The following ERN2 variants were observed in gnomAD, a reference collection of about 807,000 sequenced individuals.
The protein encoded by ERN2 is serine/threonine-protein kinase/endoribonuclease IRE2.
Under a neutral mutation model 107.9 loss-of-function variants are expected in ERN2, and 111 were observed. That is an observed-to-expected ratio of 1.03 (90% CI 0.88 to 1.20). ERN2 has a LOEUF of 1.20. Ranked by LOEUF, ERN2 falls within the 50% of genes most tolerant of loss-of-function variation. The probability of loss-of-function intolerance (pLI) is 0.00; values close to 1 mark genes in which losing one functional copy is unlikely to be tolerated. For missense variants in ERN2, 1,225 were observed against 1,197.9 expected (o/e 1.02, Z -0.33); for synonymous variants, 524 against 501.7 (o/e 1.04, Z -0.59).
Position 23,702,466 on chromosome 16 carries a change from C to T in ERN2, c.1005G>A (p.Glu335=). The change falls in exon 10 of 22, where the codon GAG becomes GAA. Residue 335 remains glutamate (E), a synonymous_variant. Coordinates refer to ENST00000256797, the MANE Select transcript of ERN2 (RefSeq NM_033266.4). ...CAGCAGTGCTGGGTGAGCCCTCTCG[C>T]TCTCCTGAGACTTGGAGTGTCACCT... ...TDEVTLQVSG[E]REGSPSTAVR... The T allele has an allele frequency of 6.2e-7, 1 of 1,613,576 alleles. No homozygotes were observed.
chr16:23,710,180 C>T lies in ERN2; in HGVS notation c.298G>A (p.Gly100Arg), dbSNP rs745598654. The T allele has an allele frequency of 4.3e-6, 7 of 1,612,302 alleles. No individual in the cohort carries two copies. The East Asian group carries it at 1.3e-4, about 31-fold the overall frequency. ...CACCATGGGATACAAACCATTAATC[C>T]CTGTTGTTTTTGGGTCCCCAAGATG... ...LYILGTQKQQ[G>R]LMKLPFTIPE... Residue 100 changes from glycine to arginine, a missense_variant, in exon 4 of 22, where the codon GGA becomes AGA. Coordinates refer to ENST00000256797, the MANE Select transcript of ERN2 (RefSeq NM_033266.4).
In ERN2 at chr16:23,706,388, G is replaced by T. The variant is rs112625116; in HGVS notation, c.531C>A (p.Arg177=). The T allele has an allele frequency of 3.2e-5, 50 of 1,574,594 alleles. 1 individual carries two copies. In the African/African-American group the frequency reaches 5.8e-4, roughly 18 times the overall value. Residue 177 remains arginine (R), a synonymous_variant, in exon 7 of 22, where the codon CGC becomes CGA. Transcript: ENST00000256797. ...AGTAGCGGCGGTAGGTGGTGTTCCA[G>T]CGCAGGGCTGGGGCTCTTGGGTCAT... The part of the protein sequence containing the change: ...TMHDPRAPAL[R]WNTTYRRYSA...
At position 23,691,039 on chromosome 16, in the gene ERN2, T is replaced by A. The variant is rs771806387; in HGVS notation, c.2573A>T (p.His858Leu). ...DLLRAVRNKK[H>L]HYRELPVEVR... Reference sequence around the variant, plus strand: ...CTCAACTGGGAGCTCCCTGTAGTGGTGCTTCTGTGGGTAGGTAGAGCAGAG... The same window carrying A: ...CTCAACTGGGAGCTCCCTGTAGTGGAGCTTCTGTGGGTAGGTAGAGCAGAG... The change falls in exon 22 of 22, where the codon CAC (histidine) becomes CTC (leucine). Residue 858 changes from histidine to leucine, a missense_variant. Coordinates refer to ENST00000256797, the MANE Select transcript of ERN2 (RefSeq NM_033266.4). The A allele has an allele frequency of 2.5e-6, 4 of 1,614,162 alleles. No individual in the cohort carries two copies. Among genetic ancestry groups the A allele is most frequent in the Non-Finnish European group, 3.4e-6 (4 of 1,180,016 alleles).
At chr16:23,691,929 C>A in intron 19 of ERN2, 34 bp downstream of exon 19, 1 of 1,602,642 alleles carries the variant, frequency 6.2e-7, no homozygotes. Context: ...AAACTTAGGA[C>A]TTTTGGGGGC....
chr16:23,705,825 G>A (rs982371740), intron 7 of ERN2, among the ~76,000 whole-genome samples: 4 of 152,106 alleles, frequency 2.6e-5, no homozygotes, highest in African/African-American at 9.7e-5. Context: ...GAGGATAGGG[G>A]ATCACTTCAG....
chr16:23,710,286 C>T, intron 3 of ERN2, 42 bp from the exon 4 acceptor site: 1 of 1,529,508 alleles, frequency 6.5e-7, no homozygotes, highest in Non-Finnish European at 9.1e-7. Context: ...GGGTTCTTGC[C>T]CCCTGGTTTC....
rs754291457 is a variant in ERN2, at chr16:23,694,688, G to A, written c.2100+40C>T. 4 of 1,527,052 alleles carry A rather than the reference G, an allele frequency of 2.6e-6. No individual in the cohort carries two copies. In the Admixed American group the frequency reaches 7.3e-5, roughly 28 times the overall value. The allele number at this position is 1,527,052 out of a possible 1,614,324, so 94.6% of individuals were successfully genotyped here. Reference sequence around the variant, plus strand: ...GACAGGGACGGATTCCTGCAGCCTGGGGCAGCTGTGTGCCTGGAGGACTTG... The same window carrying A: ...GACAGGGACGGATTCCTGCAGCCTGAGGCAGCTGTGTGCCTGGAGGACTTG... On this transcript the variant is annotated intron_variant, in intron 17 of 21. Coordinates refer to ENST00000256797, the MANE Select transcript of ERN2 (RefSeq NM_033266.4).
At chr16:23,698,246 C>T (rs1328224779) in intron 13 of ERN2, among the ~76,000 whole-genome samples, 3 of 152,148 alleles carry the variant, frequency 2.0e-5, no homozygotes, top group African/African-American at 4.8e-5. Context: ...GCATTTGGAC[C>T]CCTGAGCTGC....
chr16:23,702,433 G>C lies in ERN2; in HGVS notation c.1038C>G (p.Tyr346Ter), dbSNP rs976913820. ...TTGGGAGGGCCACACTGCCTGAGGG[G>C]TATCTAACAGCAGTGCTGGGTGAGC... is the stretch of plus-strand genomic sequence containing the variant. ...REGSPSTAVR[Y>*]PSGSVALPSQ... Residue 346 changes from tyrosine (Y) to a stop codon, truncating the protein, a stop_gained, in exon 10 of 22, where the codon TAC (tyrosine) becomes TAG (stop). Coordinates refer to ENST00000256797, the MANE Select transcript of ERN2 (RefSeq NM_033266.4). LOFTEE classifies it high-confidence loss of function. The C allele has an allele frequency of 6.2e-7, 1 of 1,613,518 alleles. No individual in the cohort carries two copies. Among genetic ancestry groups the C allele is most frequent in the African/African-American group, 1.3e-5 (1 of 74,936 alleles).
chr16:23,695,788 C>T (rs569735766), intron 14 of ERN2, 106 bp downstream of exon 14: 3 of 740,582 alleles, frequency 4.1e-6, no homozygotes, highest in Non-Finnish European at 7.1e-6. Context: ...GAGGGATCAA[C>T]CTGTACCCAC....
At position 23,690,375 on chromosome 16, in the gene ERN2, T is replaced by A; in HGVS notation, c.*456A>T. On this transcript the variant is annotated 3_prime_UTR_variant, in exon 22 of 22. Coordinates refer to ENST00000256797, the MANE Select transcript of ERN2 (RefSeq NM_033266.4). ...AAACAGATGTGAATATTCTTTTTCT[T>A]GTATTTCCTGAGGGGTGCCAGGGCC... 1 of 487,366 alleles carries A rather than the reference T, an allele frequency of 2.1e-6. No homozygotes were observed. The highest frequency in any genetic ancestry group is 3.7e-6 in the Non-Finnish European group (1 of 268,998). 30.2% of individuals were successfully genotyped at this position (487,366 alleles called of 1,614,324 possible). A position where few individuals can be genotyped will look rare whatever the true frequency, so the allele number is the denominator to read the frequency against.
chr16:23,700,661 G>A lies in ERN2; in HGVS notation c.1403C>T (p.Ala468Val), dbSNP rs1282105234. The A allele has an allele frequency of 6.2e-7, 1 of 1,614,030 alleles. No individual in the cohort carries two copies. Among genetic ancestry groups the A allele is most frequent in the South Asian group, 1.1e-5 (1 of 91,058 alleles). ...GGAGATGTGAGCAAAGTCTGCAGGT[G>A]CCAGGGGGGTCTCCTGCTGCTTCTC... ...VVEKQQETPL[A>V]PADFAHISQD... Residue 468 changes from alanine (A) to valine (V), a missense_variant, in exon 13 of 22, where the codon GCA becomes GTA. Ala to Val is a moderately conservative substitution (Grantham distance 64). Transcript: ENST00000256797.
intron 11 of ERN2, 26 bp downstream of exon 11, chr16:23,702,126 C>T: frequency 1.9e-6 from 3 of 1,602,930 alleles, no homozygotes; most frequent in Non-Finnish European, 2.6e-6. Flanking sequence ...CTCCCTACCC[C>T]CACTCTCTCC....
chr16:23,712,051 C>T, intron 1 of ERN2: 1 of 454,008 alleles, frequency 2.2e-6, no homozygotes, highest in Non-Finnish European at 4.4e-6. Flanking sequence ...AGCAGGAGGC[C>T]TAACATCCGG....
intron 10 of ERN2, 24 bp from the exon 11 acceptor site, chr16:23,702,297 C>T (rs770563720): frequency 1.2e-6 from 2 of 1,613,666 alleles, no homozygotes; most frequent in East Asian, 4.5e-5. Context: ...CAAAAGTCAT[C>T]AGGCTGAAGG....
rs771235841 is a variant in ERN2, at chr16:23,692,005, G to T, written c.2334C>A (p.His778Gln). ...PRPSAPQVLA[H>Q]PFFWSRAKQL... is the part of the protein sequence containing the mutation. ...GCTTGGCTCTGCTCCAAAAGAAGGG[G>T]TGGGCCAGCACCTGGGGGGCAGAGG... Residue 778 changes from histidine (H) to glutamine (Q), a missense_variant, in exon 19 of 22, where the codon CAC (histidine) becomes CAA (glutamine). His to Gln is a conservative substitution (Grantham distance 24, BLOSUM62 0). Coordinates refer to ENST00000256797, the MANE Select transcript of ERN2 (RefSeq NM_033266.4). The T allele has an allele frequency of 3.7e-6, 6 of 1,613,658 alleles. No individual in the cohort carries two copies. Among genetic ancestry groups the T allele is most frequent in the Middle Eastern group, 1.6e-4 (1 of 6,076 alleles).
chr16:23,691,395 C>T lies in ERN2; in HGVS notation c.2407G>A (p.Glu803Lys), dbSNP rs773577753. Residue 803 changes from glutamate (E) to lysine (K), a missense_variant, in exon 20 of 22, where the codon GAG (glutamate) becomes AAG (lysine). Physicochemically the swap from Glu to Lys is moderately conservative, Grantham distance 56 (BLOSUM62 1). Coordinates refer to ENST00000256797, the MANE Select transcript of ERN2 (RefSeq NM_033266.4). ...DVSDWLEKES[E>K]QEPLVRALEA... ...AGTGCCCTCACCAGGGGCTCCTGCTCGGACTCCTTCTCCAGCCAGTCACTG... is the reference window on the plus strand; with the variant it reads ...AGTGCCCTCACCAGGGGCTCCTGCTTGGACTCCTTCTCCAGCCAGTCACTG... The T allele has an allele frequency of 2.1e-5, 34 of 1,599,980 alleles. No homozygotes were observed. Among genetic ancestry groups the T allele is most frequent in the African/African-American group, 5.3e-5 (4 of 74,902 alleles).
Position 23,690,404 on chromosome 16 carries a change from G to C in ERN2, c.*427C>G. On this transcript the variant is annotated 3_prime_UTR_variant, in exon 22 of 22. Transcript: ENST00000256797. The stretch of plus-strand genomic sequence containing the variant: ...TTTCCTGAGGGGTGCCAGGGCCTGG[G>C]ATCCAGCGAACATCTCTGCTTCATC... 1 of 464,024 alleles carries C rather than the reference G, an allele frequency of 2.2e-6. No individual in the cohort carries two copies. The highest frequency in any genetic ancestry group is 3.9e-6 in the Non-Finnish European group (1 of 254,140). 28.7% of individuals were successfully genotyped at this position (464,024 alleles called of 1,614,324 possible). A position where few individuals can be genotyped will look rare whatever the true frequency, so the allele number is the denominator to read the frequency against.
Position 23,694,884 on chromosome 16 carries a change from A to T in ERN2, c.1944T>A (p.Pro648=). ...CCACTCTGCCCAGGCCCTGGCTGTCAGGCCCGGTGATGAGAATATTTCCTG... is the reference window on the plus strand; with the variant it reads ...CCACTCTGCCCAGGCCCTGGCTGTCTGGCCCGGTGATGAGAATATTTCCTG... ...LKPGNILITG[P]DSQGLGRVVL... is the part of the protein sequence containing the mutation. The change falls in exon 17 of 22, where the codon CCT becomes CCA. Residue 648 remains proline (P), a synonymous_variant. Coordinates refer to ENST00000256797, the MANE Select transcript of ERN2 (RefSeq NM_033266.4). 6.2e-7 allele frequency: 1 copy of T among 1,614,222 alleles called. No individual in the cohort carries two copies.
Sources: gnomAD v4.1 joint callset for allele counts (sites outside exome capture counted in the v4.1 genomes callset) on GRCh38, gnomAD v4.1.1 for gene constraint, MANE v1.5 for transcripts, NCBI Gene and HGNC (gene_info 2026-07-23, HGNC 2026-07-21) for gene names.